The following GLRA3 variants were observed in gnomAD, a reference collection of about 807,000 sequenced individuals.
GLRA3 encodes glycine receptor subunit alpha-3.
A neutral mutation model predicts 60.4 loss-of-function variants in GLRA3; 44 were observed. The ratio of observed to expected loss-of-function variants is 0.73; its 90% CI spans 0.57 to 0.94. The LOEUF (loss-of-function observed/expected upper bound fraction) is 0.94. Among genes scored for constraint, GLRA3 ranks in the 40% least tolerant of loss-of-function variants. The pLI is 0.00. For synonymous variants in GLRA3, 223 were observed against 192.9 expected (o/e 1.16, Z -1.29); for missense variants, 508 against 564.6 (o/e 0.90, Z 1.02).
At chr4:174,757,260 A>AAAT (rs1172338986) in intron 3 of GLRA3, among the ~76,000 whole-genome samples, 2 of 115,200 alleles carry the variant, frequency 1.7e-5, no homozygotes, top group Non-Finnish European at 3.6e-5. Flanking sequence ...ATAAAATTTA[A>AAAT]AATACAACAT....
rs1333173394 is a variant in GLRA3 at position 174,639,999 on chromosome 4, T to C, written c.*3787A>G. On this transcript the variant is annotated 3_prime_UTR_variant, in exon 10 of 10. Transcript: ENST00000274093. ...TGAACATTTACACTATTTCTTCTAA[T>C]ATATTGTATTAACACCAGATTGTCT... 6.6e-6 allele frequency: 1 copy of C among 152,154 alleles called. No individual in the cohort carries two copies. Among genetic ancestry groups the C allele is most frequent in the Non-Finnish European group, 1.5e-5 (1 of 67,982 alleles). 9.4% of individuals were successfully genotyped at this position (152,154 alleles called of 1,614,324 possible).
At chr4:174,761,937 G>A (rs1579566109) in intron 3 of GLRA3, among the ~76,000 whole-genome samples, 1 of 152,190 alleles carries the variant, frequency 6.6e-6, no homozygotes, top group Middle Eastern at 3.4e-3. Flanking sequence ...ATGGAAAAAA[G>A]TTTATGATTC....
chr4:174,790,865 G>T (rs1365390302), intron 1 of GLRA3, among the ~76,000 whole-genome samples: 1 of 148,462 alleles, frequency 6.7e-6, no homozygotes, highest in Non-Finnish European at 1.5e-5. Context: ...TTAGCCGGGC[G>T]TAGTGGCGGG....
rs1001677585 is a variant in GLRA3, at chr4:174,811,190, T to G, written c.71+17551A>C. ...CACAAGGTACTTCCCCGCCTGTTTTTTTTTTTTTTTTTTAATGAAAAATAA... is the reference window on the plus strand; with the variant it reads ...CACAAGGTACTTCCCCGCCTGTTTTGTTTTTTTTTTTTTAATGAAAAATAA... On this transcript the variant is annotated intron_variant, in intron 1 of 9. Transcript: ENST00000274093. Among the ~76,000 whole-genome samples, 5 of 151,310 alleles carry G rather than the reference T, an allele frequency of 3.3e-5. No individual in the cohort carries two copies. In the South Asian group the frequency reaches 1.0e-3, roughly 32 times the overall value.
chr4:174,762,014 G>A (rs775665398), intron 3 of GLRA3, among the ~76,000 whole-genome samples: 1 of 152,114 alleles, frequency 6.6e-6, no homozygotes, highest in Non-Finnish European at 1.5e-5. Flanking sequence ...TTAGCAAAAT[G>A]TTTGGTTCAT....
chr4:174,782,916 G>T (rs899669042), intron 2 of GLRA3, among the ~76,000 whole-genome samples: 5 of 152,054 alleles, frequency 3.3e-5, no homozygotes, highest in Non-Finnish European at 5.9e-5. Flanking sequence ...CAGATTCAAT[G>T]CCATCCCCAT....
At chr4:174,823,604 G>A (rs1478714891) in intron 1 of GLRA3, among the ~76,000 whole-genome samples, 1 of 152,188 alleles carries the variant, frequency 6.6e-6, no homozygotes, top group African/African-American at 2.4e-5. Context: ...AAAAGGGTAG[G>A]AGACAAGTTT....
intron 9 of GLRA3, among the ~76,000 whole-genome samples, chr4:174,655,693 T>C (rs1296164232): frequency 6.6e-6 from 1 of 152,136 alleles, no homozygotes; most frequent in African/African-American, 2.4e-5. Flanking sequence ...AATTTACAGT[T>C]AAGATAATCA....
At chr4:174,751,725 T>A (rs1373551207) in intron 3 of GLRA3, among the ~76,000 whole-genome samples, 1 of 152,036 alleles carries the variant, frequency 6.6e-6, no homozygotes, top group Non-Finnish European at 1.5e-5. Flanking sequence ...AGTATCCTTA[T>A]AAATATACAC....
At chr4:174,654,524 T>C (rs950238257) in intron 9 of GLRA3, among the ~76,000 whole-genome samples, 18 of 152,122 alleles carry the variant, frequency 1.2e-4, no homozygotes, top group African/African-American at 4.1e-4. Flanking sequence ...TAAATAATAA[T>C]TAATAAATAA....
intron 3 of GLRA3, among the ~76,000 whole-genome samples, chr4:174,734,498 A>G (rs1736692450): frequency 6.6e-6 from 1 of 152,232 alleles, no homozygotes; most frequent in Non-Finnish European, 1.5e-5. Flanking sequence ...AAGTCATTTT[A>G]TAAGAACTAT....
In GLRA3 at chr4:174,642,976, T is replaced by G; in HGVS notation, c.*810A>C. 1 of 863,292 alleles carries G rather than the reference T, an allele frequency of 1.2e-6. No individual in the cohort carries two copies. 53.5% of individuals were successfully genotyped at this position (863,292 alleles called of 1,614,324 possible). On this transcript the variant is annotated 3_prime_UTR_variant, in exon 10 of 10. Coordinates refer to ENST00000274093, the MANE Select transcript of GLRA3 (RefSeq NM_006529.4). ...CAATCACATACAGTTAAGTAGCTAT[T>G]AAAAGTCTAACAAAAACAAGGGTGC...
chr4:174,670,020 G>A (rs1258126823), intron 7 of GLRA3, among the ~76,000 whole-genome samples: 2 of 152,182 alleles, frequency 1.3e-5, no homozygotes, highest in African/African-American at 4.8e-5. Context: ...AAAAGACACA[G>A]TTATCTCTGA....
chr4:174,696,211 A>G (rs756220952), intron 5 of GLRA3, among the ~76,000 whole-genome samples: 3 of 151,924 alleles, frequency 2.0e-5, no homozygotes, highest in Non-Finnish European at 4.4e-5. Context: ...ATGAGAAAAA[A>G]TTCTATCCAC....
intron 7 of GLRA3, among the ~76,000 whole-genome samples, chr4:174,661,092 G>A (rs547665496): frequency 3.9e-5 from 6 of 152,184 alleles, no homozygotes; most frequent in Admixed American, 2.6e-4. Context: ...ACCAAGATCT[G>A]GGCACTGGGT....
At chr4:174,748,707 C>T (rs1317936799) in intron 3 of GLRA3, among the ~76,000 whole-genome samples, 1 of 152,052 alleles carries the variant, frequency 6.6e-6, no homozygotes, top group Non-Finnish European at 1.5e-5. Flanking sequence ...TTCTTGTGTT[C>T]CGGTCTCTAC....
At chr4:174,783,051 C>T (rs185556723) in intron 2 of GLRA3, among the ~76,000 whole-genome samples, 65 of 152,302 alleles carry the variant, frequency 4.3e-4, no homozygotes, top group African/African-American at 1.4e-3. Context: ...AAGCATCACA[C>T]GACCTGACTT....
chr4:174,750,487 T>C (rs1441561357), intron 3 of GLRA3, among the ~76,000 whole-genome samples: 1 of 152,128 alleles, frequency 6.6e-6, no homozygotes, highest in Non-Finnish European at 1.5e-5. Context: ...TTCCCAGCTA[T>C]GTACCCTAAG....
intron 1 of GLRA3, among the ~76,000 whole-genome samples, chr4:174,792,212 G>A (rs1231593693): frequency 1.3e-5 from 2 of 152,122 alleles, no homozygotes; most frequent in Admixed American, 6.5e-5. Context: ...ATAGTATCAA[G>A]AACAGGTGGC....
Sources: gnomAD v4.1 joint callset for allele counts (sites outside exome capture counted in the v4.1 genomes callset) on GRCh38, gnomAD v4.1.1 for gene constraint, MANE v1.5 for transcripts, NCBI Gene and HGNC (gene_info 2026-07-23, HGNC 2026-07-21) for gene names.